Variants in PDE10A observed in about 807,000 individuals in gnomAD.
PDE10A encodes phosphodiesterase 10A, also known as cAMP and cAMP-inhibited cGMP 3',5'-cyclic phosphodiesterase 10A.
PDE10A carries 39 observed loss-of-function variants against 97.7 expected under a neutral mutation model. That is an observed-to-expected ratio of 0.40 (90% CI 0.31 to 0.52). The LOEUF (loss-of-function observed/expected upper bound fraction) is 0.52. Among genes scored for constraint, PDE10A ranks in the 20% least tolerant of loss-of-function variants. PDE10A has a pLI of 0.56. For synonymous variants in PDE10A, 371 were observed against 376.8 expected (o/e 0.98, Z 0.18); for missense variants, 731 against 1,047.8 (o/e 0.70, Z 4.17).
intron 1 of PDE10A, among the ~76,000 whole-genome samples, chr6:165,917,054 C>A (rs1238733681): frequency 1.3e-5 from 2 of 152,120 alleles, no homozygotes; most frequent in African/African-American, 4.8e-5. Flanking sequence ...CTCAGCAGTT[C>A]AAAAATGTCA....
intron 1 of PDE10A, among the ~76,000 whole-genome samples, chr6:165,956,123 A>G (rs1164893035): frequency 6.6e-6 from 1 of 152,266 alleles, no homozygotes; most frequent in African/African-American, 2.4e-5. Context: ...AAAACAGTGC[A>G]TTGTATGAAT....
chr6:165,824,257 C>T (rs769683709), intron 1 of PDE10A, among the ~76,000 whole-genome samples: 17 of 152,112 alleles, frequency 1.1e-4, no homozygotes, highest in East Asian at 1.9e-4. Context: ...TCTTAATAGC[C>T]GTTCAGTTTT....
At chr6:165,619,027 G>C (rs903539033) in intron 1 of PDE10A, among the ~76,000 whole-genome samples, 4 of 80,384 alleles carry the variant, frequency 5.0e-5, no homozygotes, top group African/African-American at 1.5e-4. Context: ...GTCTAGCATA[G>C]TCTAGTGTAG....
intron 18 of PDE10A, among the ~76,000 whole-genome samples, chr6:165,354,505 G>A (rs1782900597): frequency 6.6e-6 from 1 of 152,160 alleles, no homozygotes; most frequent in Admixed American, 6.6e-5. Flanking sequence ...CTTCACATCG[G>A]CACAGATGGG....
chr6:165,967,775 C>T (rs1784554556), intron 1 of PDE10A, among the ~76,000 whole-genome samples: 1 of 152,054 alleles, frequency 6.6e-6, no homozygotes, highest in East Asian at 1.9e-4. Context: ...GACTATTTTC[C>T]CAGTCTCTAA....
At chr6:165,721,904 C>G (rs752256019) in intron 1 of PDE10A, among the ~76,000 whole-genome samples, 2 of 152,180 alleles carry the variant, frequency 1.3e-5, no homozygotes, top group South Asian at 4.1e-4. Context: ...TCTTTCCTCT[C>G]AGAACTACTT....
chr6:165,403,731 G>C (rs1430703838), intron 13 of PDE10A, among the ~76,000 whole-genome samples: 1 of 152,008 alleles, frequency 6.6e-6, no homozygotes, highest in Non-Finnish European at 1.5e-5. Flanking sequence ...ACATACATAC[G>C]GGGAACACTG....
chr6:165,882,137 G>T (rs1325188251), intron 1 of PDE10A, among the ~76,000 whole-genome samples: 1 of 152,186 alleles, frequency 6.6e-6, no homozygotes, highest in Non-Finnish European at 1.5e-5. Flanking sequence ...GAAATACGTG[G>T]CAGATTGATT....
intron 1 of PDE10A, among the ~76,000 whole-genome samples, chr6:165,651,628 T>C (rs1205712601): frequency 1.3e-5 from 2 of 152,346 alleles, no homozygotes; most frequent in African/African-American, 4.8e-5. Flanking sequence ...ATTGTGTTTT[T>C]TGAATGTGGA....
Position 165,804,158 on chromosome 6 carries a change from AAAAGTTAAATACTAAGACATC to A in PDE10A, c.-615+183350_-615+183370del, listed in dbSNP as rs1779053300. 2.6e-5 allele frequency among the ~76,000 whole-genome samples: 4 copies of A among 152,220 alleles called. No homozygotes were observed. In the South Asian group the frequency reaches 8.3e-4, roughly 32 times the overall value. Reference sequence around the variant, plus strand: ...TATAAGTGAACAACACATCGGTTTAAAAAGTTAAATACTAAGACATCATGGAAATAGGTGTATTTGGGGGGT... The same window carrying A: ...TATAAGTGAACAACACATCGGTTTAAATGGAAATAGGTGTATTTGGGGGGT... On this transcript the variant is annotated intron_variant, in intron 1 of 19. Transcript: ENST00000366882.
intron 1 of PDE10A, among the ~76,000 whole-genome samples, chr6:165,888,400 C>G (rs1296087439): frequency 6.6e-6 from 1 of 152,072 alleles, no homozygotes; most frequent in African/African-American, 2.4e-5. Context: ...ATTCCTCTGC[C>G]TCAGCCTCCC....
intron 1 of PDE10A, among the ~76,000 whole-genome samples, chr6:165,898,299 A>G (rs1218788761): frequency 6.6e-6 from 1 of 152,098 alleles, no homozygotes; most frequent in Non-Finnish European, 1.5e-5. Context: ...CCAGAGTAGG[A>G]GCTCCTGACT....
At position 165,655,929 on chromosome 6, in the gene PDE10A, C is replaced by T. The variant is rs1305282746; in HGVS notation, c.865+6018G>A. ...GCTTTTCCCCAGATAACTGCATGGCCGATGACACCTTGTCACTCAGAGGCC... is the reference window on the plus strand; with the variant it reads ...GCTTTTCCCCAGATAACTGCATGGCTGATGACACCTTGTCACTCAGAGGCC... On this transcript the variant is annotated intron_variant, in intron 1 of 21. Coordinates refer to ENST00000539869, the MANE Select transcript of PDE10A (RefSeq NM_001385079.1). The surrounding 1 kb of genome is among the most constrained non-coding windows in gnomAD (Gnocchi z 4.5). Among the ~76,000 whole-genome samples the T allele has an allele frequency of 2.0e-5, 3 of 152,000 alleles. No individual in the cohort carries two copies. The highest frequency in any genetic ancestry group is 1.3e-4 in the Admixed American group (2 of 15,260).
At chr6:165,411,676 T>C (rs142214163) in intron 13 of PDE10A, among the ~76,000 whole-genome samples, 1 of 152,352 alleles carries the variant, frequency 6.6e-6, no homozygotes, top group East Asian at 1.9e-4. Flanking sequence ...TAAGATAATG[T>C]CCTTGTTTTT....
At chr6:165,781,161 A>T (rs1187854916) in intron 1 of PDE10A, 7 of 152,248 alleles carry the variant, frequency 4.6e-5, no homozygotes, top group African/African-American at 1.7e-4. Context: ...GCTCGTGTCC[A>T]CTTACGCTTT....
At chr6:165,719,159 G>GA (rs1340715133) in intron 1 of PDE10A, among the ~76,000 whole-genome samples, 3 of 151,820 alleles carry the variant, frequency 2.0e-5, no homozygotes, top group Admixed American at 6.6e-5. Context: ...ATTCAGGACA[G>GA]AAAAAAAAGC....
At chr6:165,696,489 A>T (rs1277350540) in intron 1 of PDE10A, among the ~76,000 whole-genome samples, 1 of 152,172 alleles carries the variant, frequency 6.6e-6, no homozygotes, top group Admixed American at 6.5e-5. Flanking sequence ...TGTCAGATTT[A>T]AAAAACATAG....
intron 1 of PDE10A, among the ~76,000 whole-genome samples, chr6:165,568,792 G>A (rs112124185): frequency 3.3e-5 from 5 of 152,316 alleles, no homozygotes; most frequent in Admixed American, 1.3e-4. Flanking sequence ...GCTAAGATCT[G>A]CTGTCAGAAT....
intron 1 of PDE10A, among the ~76,000 whole-genome samples, chr6:165,898,997 G>C (rs533367165): frequency 6.6e-6 from 1 of 152,146 alleles, no homozygotes; most frequent in East Asian, 1.9e-4. Context: ...AAGGCCTCCC[G>C]GCAGCTCCTG....
Sources: allele counts gnomAD v4.1 joint callset (sites outside exome capture counted in the v4.1 genomes callset), GRCh38; gene constraint gnomAD v4.1.1; non-coding constraint Gnocchi (gnomAD v3.1); transcripts MANE v1.5; gene names NCBI Gene and HGNC (gene_info 2026-07-23, HGNC 2026-07-21).